Variants in CPQ observed in about 807,000 individuals in gnomAD.
The protein encoded by CPQ is carboxypeptidase Q.
In CPQ, 37 loss-of-function variants were observed where a neutral mutation model predicts 45.7. The observed-to-expected ratio is 0.81, with a 90% CI of 0.62 to 1.07. The LOEUF (loss-of-function observed/expected upper bound fraction) is 1.07, where lower values mean the gene tolerates loss of function less well. Ranked by LOEUF, CPQ falls within the 50% of genes least tolerant of loss-of-function variation. The pLI, the probability that CPQ is intolerant of heterozygous loss-of-function variation, is 0.00. For missense variants in CPQ, 537 were observed against 572.9 expected, an observed-to-expected ratio of 0.94 and a Z score of 0.64; for synonymous variants, 186 against 205.8, an observed-to-expected ratio of 0.90 and a Z score of 0.82.
chr8:96,685,455 G>T (rs2464493), intron 1 of CPQ, among the ~76,000 whole-genome samples: 4 of 151,432 alleles, frequency 2.6e-5, no homozygotes, highest in Admixed American at 6.6e-5. Context: ...AGTTATCAAG[G>T]TTTTTTTGTT....
At chr8:96,832,877 C>T (rs1811478222) in intron 2 of CPQ, among the ~76,000 whole-genome samples, 1 of 152,020 alleles carries the variant, frequency 6.6e-6, no homozygotes, top group Non-Finnish European at 1.5e-5. Flanking sequence ...TCTGACTCTT[C>T]AGTAGTTTGA....
At position 96,991,307 on chromosome 8, in the gene CPQ, C is replaced by T. The variant is rs183254987; in HGVS notation, c.961+25261C>T. Among the ~76,000 whole-genome samples the T allele has an allele frequency of 1.4e-4, 21 of 152,186 alleles. No individual in the cohort carries two copies. The East Asian group carries it at 3.5e-3, about 25-fold the overall frequency. The stretch of plus-strand genomic sequence containing the variant: ...ATGGTGGCTCACACCTCTAATCCCC[C>T]CTACTTTGGGAGACCGAGGTGGGCC... On this transcript the variant is annotated intron_variant, in intron 5 of 7. Transcript: ENST00000220763.
intron 5 of CPQ, among the ~76,000 whole-genome samples, chr8:97,023,370 G>A (rs1223033451): frequency 6.6e-6 from 1 of 152,080 alleles, no homozygotes; most frequent in Non-Finnish European, 1.5e-5. Context: ...CAAATTGGGT[G>A]CAGTGTATAC....
At chr8:97,045,664 C>G (rs1298582900) in intron 6 of CPQ, among the ~76,000 whole-genome samples, 1 of 152,188 alleles carries the variant, frequency 6.6e-6, no homozygotes, top group Non-Finnish European at 1.5e-5. Context: ...GAATTATTTT[C>G]TGGGAGAGAG....
At chr8:96,971,304 T>TGAA (rs1396467223) in intron 5 of CPQ, among the ~76,000 whole-genome samples, 1 of 152,262 alleles carries the variant, frequency 6.6e-6, no homozygotes, top group Admixed American at 6.5e-5. Context: ...TGTCTCTCCC[T>TGAA]GAAGAACATT....
At chr8:96,848,736 G>A (rs1450617983) in intron 3 of CPQ, among the ~76,000 whole-genome samples, 1 of 152,146 alleles carries the variant, frequency 6.6e-6, no homozygotes, top group Non-Finnish European at 1.5e-5. Flanking sequence ...TCATGTATGG[G>A]CTGTAAGATT....
chr8:97,109,387 A>T (rs1264483195), intron 7 of CPQ, among the ~76,000 whole-genome samples: 1 of 152,058 alleles, frequency 6.6e-6, no homozygotes, highest in Non-Finnish European at 1.5e-5. Flanking sequence ...CCACAGTTCT[A>T]CCTTTCACTG....
chr8:96,845,406 ATAAC>A (rs897211378), intron 3 of CPQ, among the ~76,000 whole-genome samples: 7 of 152,254 alleles, frequency 4.6e-5, no homozygotes, highest in African/African-American at 1.7e-4. Flanking sequence ...GATTGAATAA[ATAAC>A]TATTTTAAAA....
chr8:96,842,181 C>G (rs1487229010), intron 3 of CPQ, among the ~76,000 whole-genome samples: 1 of 152,084 alleles, frequency 6.6e-6, no homozygotes, highest in African/African-American at 2.4e-5. Context: ...TTGCTTTCCC[C>G]ACTCCCTTTG....
At chr8:96,949,180 T>G (rs1813228540) in intron 4 of CPQ, among the ~76,000 whole-genome samples, 1 of 152,096 alleles carries the variant, frequency 6.6e-6, no homozygotes, top group Non-Finnish European at 1.5e-5. Context: ...TGCGGTTTCA[T>G]TAGTTGTTTT....
At chr8:96,935,366 T>C (rs1363449356) in intron 4 of CPQ, among the ~76,000 whole-genome samples, 1 of 152,142 alleles carries the variant, frequency 6.6e-6, no homozygotes, top group Non-Finnish European at 1.5e-5. Context: ...TGTGCCTACT[T>C]TCATTGTGAT....
intron 7 of CPQ, chr8:97,092,420 T>C (rs1317651112): frequency 1.3e-5 from 2 of 152,160 alleles, no homozygotes; most frequent in African/African-American, 4.8e-5. Flanking sequence ...GTGGGAAAAC[T>C]ATACTACAAG....
chr8:96,808,595 G>C (rs1283711894), intron 2 of CPQ, among the ~76,000 whole-genome samples: 2 of 152,284 alleles, frequency 1.3e-5, no homozygotes, highest in East Asian at 3.9e-4. Flanking sequence ...AGGCATGTAG[G>C]AGGAAAGGTA....
intron 1 of CPQ, among the ~76,000 whole-genome samples, chr8:96,775,135 T>C (rs1205928316): frequency 1.3e-5 from 2 of 152,120 alleles, no homozygotes; most frequent in Non-Finnish European, 2.9e-5. Flanking sequence ...TCACGAGGCC[T>C]CCTCTGGCTG....
chr8:96,931,174 A>G (rs1421255615), intron 4 of CPQ, among the ~76,000 whole-genome samples: 1 of 152,246 alleles, frequency 6.6e-6, no homozygotes, highest in Non-Finnish European at 1.5e-5. Context: ...CTCCACTTAC[A>G]GAGTATCCTA....
intron 2 of CPQ, among the ~76,000 whole-genome samples, chr8:96,822,097 C>T (rs759930136): frequency 1.3e-5 from 2 of 152,012 alleles, no homozygotes; most frequent in Non-Finnish European, 2.9e-5. Flanking sequence ...ATTTTACTCT[C>T]TGTTTCTATG....
chr8:96,698,789 C>T (rs1348452089), intron 1 of CPQ, among the ~76,000 whole-genome samples: 1 of 152,174 alleles, frequency 6.6e-6, no homozygotes, highest in Non-Finnish European at 1.5e-5. Context: ...GATATCATCT[C>T]ACCCCAGTTA....
chr8:96,878,554 T>A (rs1358155211), intron 3 of CPQ, among the ~76,000 whole-genome samples: 1 of 152,166 alleles, frequency 6.6e-6, no homozygotes, highest in Non-Finnish European at 1.5e-5. Flanking sequence ...TAAGCCCAGA[T>A]TTGAACCCAA....
intron 1 of CPQ, among the ~76,000 whole-genome samples, chr8:96,675,495 T>G (rs1280333261): frequency 6.6e-6 from 1 of 152,078 alleles, no homozygotes. Flanking sequence ...TTTAAACTAT[T>G]CCTAACTTTT....
Sources: allele counts gnomAD v4.1 joint callset (sites outside exome capture counted in the v4.1 genomes callset), GRCh38; gene constraint gnomAD v4.1.1; transcripts MANE v1.5; gene names NCBI Gene and HGNC (gene_info 2026-07-23, HGNC 2026-07-21).